TTC28: variants seen among roughly 807,000 people sequenced by gnomAD.
TTC28 encodes tetratricopeptide repeat domain 28.
In TTC28, 61 loss-of-function variants were observed where a neutral mutation model predicts 198.0. That is an observed-to-expected ratio of 0.31 (90% confidence interval 0.25 to 0.38). The LOEUF is 0.38. Ranked by LOEUF, TTC28 falls within the 10% of genes least tolerant of loss-of-function variation. The pLI is 1.00. For missense variants in TTC28, 2,678 were observed against 3,164.0 expected (o/e 0.85, Z 3.69); for synonymous variants, 1,171 against 1,297.8 (o/e 0.90, Z 2.10).
chr22:28,037,773 C>T (rs1051488649), intron 12 of TTC28, among the ~76,000 whole-genome samples: 24 of 152,216 alleles, frequency 1.6e-4, no homozygotes, highest in Middle Eastern at 3.4e-3. Context: ...AAAACCCCAT[C>T]GTCTCAGCCC....
intron 12 of TTC28, among the ~76,000 whole-genome samples, chr22:28,078,049 T>C (rs1941224027): frequency 6.6e-6 from 1 of 152,254 alleles, no homozygotes; most frequent in South Asian, 2.1e-4. Context: ...GAGGCTCATG[T>C]TCTATACAGT....
chr22:28,365,644 T>C (rs1267716500), intron 2 of TTC28, among the ~76,000 whole-genome samples: 1 of 152,234 alleles, frequency 6.6e-6, no homozygotes, highest in Non-Finnish European at 1.5e-5. Context: ...CTTGTTCTCT[T>C]TGGTGAAGCC....
At chr22:27,999,406 T>C (rs943288808) in intron 15 of TTC28, 146 bp from the exon 16 acceptor site, 5 of 1,224,100 alleles carry the variant, frequency 4.1e-6, no homozygotes, top group African/African-American at 3.1e-5. Context: ...TTCACTCTTA[T>C]TTTTCAACAT....
chr22:28,645,177 C>T (rs981788802), intron 1 of TTC28, among the ~76,000 whole-genome samples: 9 of 151,678 alleles, frequency 5.9e-5, no homozygotes, highest in Non-Finnish European at 8.8e-5. Flanking sequence ...TGCTGGGCAA[C>T]AAGGGTGAAA....
chr22:28,555,865 ATG>A (rs985853293), intron 2 of TTC28, among the ~76,000 whole-genome samples: 1 of 152,172 alleles, frequency 6.6e-6, no homozygotes, highest in African/African-American at 2.4e-5. Flanking sequence ...TATTTTAGTT[ATG>A]TCTTTTTTAA....
At chr22:28,101,350 A>G in intron 8 of TTC28, 70 bp from the exon 9 acceptor site, 2 of 1,273,218 alleles carry the variant, frequency 1.6e-6, no homozygotes, top group Non-Finnish European at 2.2e-6. Flanking sequence ...GGAGTCCTGA[A>G]GGGTCATTTT....
chr22:28,494,609 G>T (rs903698518), intron 2 of TTC28, among the ~76,000 whole-genome samples: 2 of 152,118 alleles, frequency 1.3e-5, no homozygotes, highest in Non-Finnish European at 2.9e-5. Context: ...TTCCCCTCGT[G>T]CCCTTTTTGT....
chr22:28,094,119 C>T lies in TTC28; in HGVS notation c.3893G>A (p.Ser1298Asn). Residue 1298 changes from serine to asparagine, a missense_variant, in exon 12 of 23, where the codon AGT becomes AAT. By Grantham distance (46) the Ser-to-Asn change is conservative (BLOSUM62 1). Transcript: ENST00000397906. ...CTCCACCCCCAGGGCCTCCCGGACA[C>T]TGGCAATGTGCTGCTCCAGGGCTGA... The part of the protein sequence containing the change: ...TGSALEQHIA[S>N]VREALGVESH... 1 of 1,551,074 alleles carries T rather than the reference C, an allele frequency of 6.4e-7. No homozygotes were observed. Among genetic ancestry groups the T allele is most frequent in the Non-Finnish European group, 8.7e-7 (1 of 1,146,744 alleles).
rs1376988826 is a variant in TTC28 at position 28,071,795 on chromosome 22, G to A, written c.3932+22285C>T. On this transcript the variant is annotated intron_variant, in intron 12 of 22. Transcript: ENST00000397906. ...AACACAAGTTTACGATGACAACTTCGTCTCCACCAGCCAGCATATTTTTGG... is the reference window on the plus strand; with the variant it reads ...AACACAAGTTTACGATGACAACTTCATCTCCACCAGCCAGCATATTTTTGG... Among the ~76,000 whole-genome samples the A allele has an allele frequency of 3.4e-5, 5 of 148,154 alleles. No homozygotes were observed. The South Asian group carries it at 8.7e-4, about 26-fold the overall frequency.
intron 1 of TTC28, among the ~76,000 whole-genome samples, chr22:28,653,410 G>T (rs1569085174): frequency 6.6e-6 from 1 of 151,932 alleles, no homozygotes; most frequent in Non-Finnish European, 1.5e-5. Context: ...AGCTGAGGTG[G>T]GAGAATCACC....
intron 2 of TTC28, among the ~76,000 whole-genome samples, chr22:28,456,676 A>C (rs958990413): frequency 4.6e-5 from 7 of 152,290 alleles, no homozygotes; most frequent in Admixed American, 6.5e-5. Context: ...CCAGGATTCA[A>C]GCGATTCTCC....
At chr22:28,402,776 C>T (rs146108510) in intron 2 of TTC28, among the ~76,000 whole-genome samples, 244 of 152,324 alleles carry the variant, frequency 1.6e-3, no homozygotes, top group African/African-American at 5.4e-3. Context: ...GCAGCGTAGG[C>T]TTTGCACACA....
intron 2 of TTC28, among the ~76,000 whole-genome samples, chr22:28,510,003 C>A (rs2048666571): frequency 1.3e-5 from 2 of 152,062 alleles, no homozygotes; most frequent in Admixed American, 1.3e-4. Flanking sequence ...CCTGAATAGA[C>A]AAATAACAAG....
At chr22:28,546,327 T>G (rs1435300382) in intron 2 of TTC28, among the ~76,000 whole-genome samples, 1 of 152,136 alleles carries the variant, frequency 6.6e-6, no homozygotes, top group Non-Finnish European at 1.5e-5. Flanking sequence ...ACACCTGTAG[T>G]CCCAGCTACT....
rs551476071 is a variant in TTC28 at position 28,301,943 on chromosome 22, G to A, written c.530-4091C>T. ...TCCCAGCTACTCAGGAGGCTGAGGT[G>A]GAAGGATCACCTGAGCCCGGGAAGG... On this transcript the variant is annotated intron_variant, in intron 3 of 22. Transcript: ENST00000397906. Among the ~76,000 whole-genome samples the A allele has an allele frequency of 3.9e-5, 6 of 152,048 alleles. No individual in the cohort carries two copies. The South Asian group carries it at 1.2e-3, about 32-fold the overall frequency.
intron 6 of TTC28, among the ~76,000 whole-genome samples, chr22:28,110,639 T>C (rs949530450): frequency 1.1e-4 from 16 of 152,086 alleles, no homozygotes; most frequent in Admixed American, 1.0e-3. Flanking sequence ...CATGGTGACA[T>C]TAAAAATGGT....
At chr22:28,258,856 G>C (rs1395342593) in intron 5 of TTC28, among the ~76,000 whole-genome samples, 2 of 152,076 alleles carry the variant, frequency 1.3e-5, no homozygotes, top group Non-Finnish European at 2.9e-5. Flanking sequence ...TTGAGGTGTA[G>C]ACTGATATAT....
chr22:28,028,915 G>C (rs778327464), intron 13 of TTC28: 2 of 452,326 alleles, frequency 4.4e-6, no homozygotes, highest in Non-Finnish European at 9.3e-6. Context: ...TGACAGAGGT[G>C]AAACTGCCTC....
chr22:28,407,809 A>G lies in TTC28; in HGVS notation c.382-101166T>C, dbSNP rs2047021440. ...TATTTTTCTAGTTCTTACATGGCCA[A>G]CCACTTCTATTGGAACATAATGATC... On this transcript the variant is annotated intron_variant, in intron 2 of 22. Transcript: ENST00000397906. Among the ~76,000 whole-genome samples the G allele has an allele frequency of 2.6e-5, 4 of 152,310 alleles. No individual in the cohort carries two copies. In the South Asian group the frequency reaches 8.3e-4, roughly 32 times the overall value.
Sources: gnomAD v4.1 joint callset for allele counts (sites outside exome capture counted in the v4.1 genomes callset) on GRCh38, gnomAD v4.1.1 for gene constraint, MANE v1.5 for transcripts, NCBI Gene and HGNC (gene_info 2026-07-23, HGNC 2026-07-21) for gene names.